Variants in LHFPL6 observed in about 807,000 individuals in gnomAD.
The protein encoded by LHFPL6 is LHFPL tetraspan subfamily member 6 protein.
A neutral mutation model predicts 20.6 loss-of-function variants in LHFPL6; 9 were observed. That is an observed-to-expected ratio of 0.44 (90% CI 0.26 to 0.76). The LOEUF is 0.76. LHFPL6 is among the 30% of genes least tolerant of loss of function. The pLI is 0.20. For synonymous variants in LHFPL6, 105 were observed against 98.7 expected (o/e 1.06, Z -0.38); for missense variants, 218 against 253.5 (o/e 0.86, Z 0.95).
chr13:39,591,769 G>C (rs186775559), intron 2 of LHFPL6, among the ~76,000 whole-genome samples: 5 of 152,192 alleles, frequency 3.3e-5, no homozygotes, highest in African/African-American at 4.8e-5. Flanking sequence ...TAAGCTCTCT[G>C]GTGATTTTTA....
chr13:39,399,284 G>T (rs1005466748), intron 2 of LHFPL6, among the ~76,000 whole-genome samples: 3 of 152,178 alleles, frequency 2.0e-5, no homozygotes, highest in African/African-American at 7.2e-5. Context: ...AGACACCACA[G>T]TCTAAAGTGG....
At chr13:39,536,600 T>G (rs1468647811) in intron 2 of LHFPL6, among the ~76,000 whole-genome samples, 1 of 152,174 alleles carries the variant, frequency 6.6e-6, no homozygotes, top group Non-Finnish European at 1.5e-5. Flanking sequence ...CCCAACTTTC[T>G]TCTTTCCTTC....
At chr13:39,522,284 A>G (rs1327969496) in intron 2 of LHFPL6, among the ~76,000 whole-genome samples, 1 of 152,248 alleles carries the variant, frequency 6.6e-6, no homozygotes, top group African/African-American at 2.4e-5. Flanking sequence ...GCTGAGGCAC[A>G]GGTTTTAGTA....
intron 2 of LHFPL6, among the ~76,000 whole-genome samples, chr13:39,510,872 A>ATTTTTTTTTTTTTT (rs71245386): frequency 6.6e-6 from 1 of 150,466 alleles, no homozygotes; most frequent in Non-Finnish European, 1.5e-5. Context: ...ATTACTTTAA[A>ATTTTTTTTTTTTTT]TTTTTTTTTT....
At chr13:39,403,003 G>C (rs551148714) in intron 2 of LHFPL6, among the ~76,000 whole-genome samples, 1 of 152,324 alleles carries the variant, frequency 6.6e-6, no homozygotes, top group African/African-American at 2.4e-5. Context: ...CCTAATTACT[G>C]AAAAAGCACC....
chr13:39,353,911 T>G (rs773003790), intron 3 of LHFPL6, among the ~76,000 whole-genome samples: 1 of 152,184 alleles, frequency 6.6e-6, no homozygotes, highest in Non-Finnish European at 1.5e-5. Flanking sequence ...TACCGCTCCC[T>G]GCACAGTATT....
At chr13:39,556,477 G>T (rs945731754) in intron 2 of LHFPL6, among the ~76,000 whole-genome samples, 1 of 152,158 alleles carries the variant, frequency 6.6e-6, no homozygotes, top group Non-Finnish European at 1.5e-5. Flanking sequence ...ACACCCTGGC[G>T]AAGAACTTGG....
chr13:39,375,616 G>GACCTAGAACTCATTTTATCTGTGGAT (rs1483769915), intron 3 of LHFPL6, among the ~76,000 whole-genome samples: 15 of 151,116 alleles, frequency 9.9e-5, no homozygotes, highest in African/African-American at 3.7e-4. Context: ...GCTTAACCTG[G>GACCTAGAACTCATTTTATCTGTGGAT]GAGGTGGAGG....
intron 2 of LHFPL6, among the ~76,000 whole-genome samples, chr13:39,453,606 C>T (rs555967652): frequency 3.3e-5 from 5 of 152,296 alleles, no homozygotes; most frequent in East Asian, 1.9e-4. Flanking sequence ...GGAATCCAGA[C>T]TGATAGAAGC....
intron 2 of LHFPL6, among the ~76,000 whole-genome samples, chr13:39,582,601 G>GT (rs1261534727): frequency 6.6e-6 from 1 of 152,170 alleles, no homozygotes; most frequent in Non-Finnish European, 1.5e-5. Context: ...TGGCCCTTTT[G>GT]TGGGGGTGTG....
intron 2 of LHFPL6, among the ~76,000 whole-genome samples, chr13:39,538,953 G>A (rs1029198675): frequency 6.6e-5 from 10 of 152,024 alleles, no homozygotes; most frequent in African/African-American, 1.7e-4. Context: ...TTTAGGCTTC[G>A]CGGGCCATAT....
At chr13:39,358,690 A>G (rs1210416427) in intron 3 of LHFPL6, among the ~76,000 whole-genome samples, 1 of 152,262 alleles carries the variant, frequency 6.6e-6, no homozygotes, top group Non-Finnish European at 1.5e-5. Context: ...AAACAATTCA[A>G]CAAGGAAAAA....
intron 2 of LHFPL6, among the ~76,000 whole-genome samples, chr13:39,502,680 T>C (rs1234926537): frequency 6.6e-6 from 1 of 152,016 alleles, no homozygotes; most frequent in Admixed American, 6.6e-5. Context: ...GAACACAGGA[T>C]CTTTAAAAAG....
chr13:39,376,281 A>G (rs971747266), intron 3 of LHFPL6, among the ~76,000 whole-genome samples: 5 of 152,306 alleles, frequency 3.3e-5, no homozygotes, highest in Non-Finnish European at 5.9e-5. Flanking sequence ...CTGTATTAAA[A>G]TATCTCCCCT....
chr13:39,527,406 G>GGA (rs1566133491), intron 2 of LHFPL6, among the ~76,000 whole-genome samples: 1 of 152,026 alleles, frequency 6.6e-6, no homozygotes. Flanking sequence ...ACAGTCCTCA[G>GGA]GAGAACAGAC....
rs528795922 is a variant in LHFPL6, at chr13:39,542,149, GA to G, written c.385+58682del. ...ATAATAATAAAATAAAAATGCATGGGACAGGTTACCAAAGGCATGTGAGGGA... is the reference window on the plus strand; with the variant it reads ...ATAATAATAAAATAAAAATGCATGGGCAGGTTACCAAAGGCATGTGAGGGA... On this transcript the variant is annotated intron_variant, in intron 2 of 3. Coordinates refer to ENST00000379589, the MANE Select transcript of LHFPL6 (RefSeq NM_005780.3). 2.8e-5 allele frequency among the ~76,000 whole-genome samples: 4 copies of G among 142,074 alleles called. No homozygotes were observed. The South Asian group carries it at 9.4e-4, about 34-fold the overall frequency. 93.2% of individuals were successfully genotyped at this position (142,074 alleles called of 152,430 possible).
intron 2 of LHFPL6, among the ~76,000 whole-genome samples, chr13:39,445,508 T>C (rs998252988): frequency 2.0e-5 from 3 of 152,228 alleles, no homozygotes; most frequent in African/African-American, 7.2e-5. Flanking sequence ...AGTCTTAGTA[T>C]AGAACAGATT....
intron 2 of LHFPL6, among the ~76,000 whole-genome samples, chr13:39,479,655 C>T (rs956510043): frequency 6.6e-6 from 1 of 152,040 alleles, no homozygotes; most frequent in African/African-American, 2.4e-5. Context: ...TTGTGGGTTG[C>T]CAGACATTGT....
intron 2 of LHFPL6, among the ~76,000 whole-genome samples, chr13:39,459,556 C>T (rs737645): frequency 0.55 from 83,786 of 151,908 alleles, 24,314 homozygotes; most frequent in East Asian, 0.9. Context: ...GAAACAACTA[C>T]TGACCATTCT....
Sources: allele counts gnomAD v4.1 joint callset (sites outside exome capture counted in the v4.1 genomes callset), GRCh38; gene constraint gnomAD v4.1.1; transcripts MANE v1.5; gene names NCBI Gene and HGNC (gene_info 2026-07-23, HGNC 2026-07-21).